The following SDK1 variants were observed in gnomAD, a reference collection of about 807,000 sequenced individuals.
SDK1 encodes sidekick cell adhesion molecule 1.
Under a neutral mutation model 245.5 loss-of-function variants are expected in SDK1, and 157 were observed. The observed-to-expected ratio is 0.64, with a 90% CI of 0.56 to 0.73. The LOEUF (loss-of-function observed/expected upper bound fraction) is 0.73, where lower values mean the gene tolerates loss of function less well. SDK1 is among the 30% of genes least tolerant of loss of function. The pLI, the probability that SDK1 is intolerant of heterozygous loss-of-function variation, is 0.00. For missense variants in SDK1, 3,583 were observed against 3,002.3 expected (o/e 1.19, Z -4.52); for synonymous variants, 1,647 against 1,278.5 (o/e 1.29, Z -6.15).
chr7:3,795,995 G>A (rs1355097376), intron 4 of SDK1, among the ~76,000 whole-genome samples: 1 of 152,144 alleles, frequency 6.6e-6, no homozygotes, highest in African/African-American at 2.4e-5. Flanking sequence ...ATAATCTTTG[G>A]CTTTAAAAAT....
intron 22 of SDK1, among the ~76,000 whole-genome samples, chr7:4,085,686 C>A (rs1398320545): frequency 6.6e-6 from 1 of 152,154 alleles, no homozygotes; most frequent in Non-Finnish European, 1.5e-5. Flanking sequence ...TCCTGAGTAG[C>A]TGGGATTACA....
At chr7:3,975,689 TA>T (rs1416881894) in intron 13 of SDK1, among the ~76,000 whole-genome samples, 1 of 152,266 alleles carries the variant, frequency 6.6e-6, no homozygotes, top group African/African-American at 2.4e-5. Flanking sequence ...TCACGATGTG[TA>T]GCAGTCAGTC....
At chr7:3,884,158 G>T (rs1032046470) in intron 5 of SDK1, among the ~76,000 whole-genome samples, 2 of 150,828 alleles carry the variant, frequency 1.3e-5, no homozygotes, top group African/African-American at 4.9e-5. Flanking sequence ...ATAGCTCGCT[G>T]CAGCCTCGAC....
At chr7:3,564,176 G>T (rs971285644) in intron 1 of SDK1, among the ~76,000 whole-genome samples, 5 of 151,712 alleles carry the variant, frequency 3.3e-5, no homozygotes, top group African/African-American at 1.2e-4. Context: ...AAATTTCAAG[G>T]AAACAAGATA....
rs376215132 is a variant in SDK1, at chr7:3,837,706, A to C, written c.847+16123A>C. 3.9e-5 allele frequency among the ~76,000 whole-genome samples: 6 copies of C among 152,284 alleles called. No homozygotes were observed. In the South Asian group the frequency reaches 8.3e-4, roughly 21 times the overall value. ...TGCTGTGATGATGGAAATGTTCTCTATTTTTACATGGAGCTATTGAATACT... is the reference window on the plus strand; with the variant it reads ...TGCTGTGATGATGGAAATGTTCTCTCTTTTTACATGGAGCTATTGAATACT... On this transcript the variant is annotated intron_variant, in intron 5 of 44. Transcript: ENST00000404826.
intron 1 of SDK1, among the ~76,000 whole-genome samples, chr7:3,516,560 A>C (rs1418247968): frequency 6.6e-6 from 1 of 152,136 alleles, no homozygotes; most frequent in African/African-American, 2.4e-5. Context: ...ACTAAATGAA[A>C]TATTTTTAGA....
intron 4 of SDK1, chr7:3,643,719 C>G (rs1286423154): frequency 6.7e-6 from 1 of 149,746 alleles, no homozygotes; most frequent in Non-Finnish European, 1.5e-5. Flanking sequence ...CCCACCCCTA[C>G]CTGAGCATCT....
chr7:3,590,300 C>CTTTTTTTTTTTTTTT (rs200303832), intron 1 of SDK1, among the ~76,000 whole-genome samples: 12 of 96,132 alleles, frequency 1.2e-4, no homozygotes, highest in African/African-American at 1.5e-4. Context: ...TTTCCTGTTC[C>CTTTTTTTTTTTTTTT]TTTTTTTTTT....
intron 4 of SDK1, among the ~76,000 whole-genome samples, chr7:3,751,924 A>G (rs1779784884): frequency 1.3e-5 from 2 of 152,198 alleles, no homozygotes; most frequent in Admixed American, 1.3e-4. Flanking sequence ...ATTTTGAAAC[A>G]TTACAAACAA....
intron 4 of SDK1, among the ~76,000 whole-genome samples, chr7:3,722,347 G>T (rs1452815506): frequency 6.6e-6 from 1 of 152,114 alleles, no homozygotes; most frequent in Non-Finnish European, 1.5e-5. Flanking sequence ...GAAACAATCA[G>T]AACAATCTCT....
At chr7:3,845,055 G>C (rs1245654727) in intron 5 of SDK1, among the ~76,000 whole-genome samples, 1 of 152,206 alleles carries the variant, frequency 6.6e-6, no homozygotes, top group African/African-American at 2.4e-5. Flanking sequence ...GGCAAAGTGG[G>C]TCAGCTGCCC....
intron 5 of SDK1, among the ~76,000 whole-genome samples, chr7:3,825,872 G>C (rs1779762211): frequency 6.6e-6 from 1 of 152,148 alleles, no homozygotes; most frequent in Non-Finnish European, 1.5e-5. Context: ...CTTGGCTCGG[G>C]TTCCTAAAAC....
intron 1 of SDK1, among the ~76,000 whole-genome samples, chr7:3,603,745 A>G (rs1781326011): frequency 6.6e-6 from 1 of 152,192 alleles, no homozygotes; most frequent in Admixed American, 6.5e-5. Flanking sequence ...GAGAGAGGGC[A>G]TCCCTGTCTT....
chr7:3,361,670 C>T (rs1780957264), intron 1 of SDK1, among the ~76,000 whole-genome samples: 1 of 152,144 alleles, frequency 6.6e-6, no homozygotes, highest in African/African-American at 2.4e-5. Flanking sequence ...CTATGGCTGC[C>T]ACCTCTTTAG....
chr7:3,428,354 T>C (rs2128583268), intron 1 of SDK1, among the ~76,000 whole-genome samples: 1 of 152,306 alleles, frequency 6.6e-6, no homozygotes. Flanking sequence ...CTGAAATTTA[T>C]GCATCTCAGA....
At chr7:3,324,115 T>C (rs1234300881) in intron 1 of SDK1, among the ~76,000 whole-genome samples, 1 of 152,198 alleles carries the variant, frequency 6.6e-6, no homozygotes, top group Non-Finnish European at 1.5e-5. Context: ...GAGATACTCA[T>C]GTTTTTCTCC....
At chr7:3,862,972 G>C (rs376530364) in intron 5 of SDK1, among the ~76,000 whole-genome samples, 1 of 152,272 alleles carries the variant, frequency 6.6e-6, no homozygotes, top group Admixed American at 6.5e-5. Flanking sequence ...TCTGACAGGA[G>C]GGGGAGCTCA....
At chr7:3,718,490 C>T (rs766452666) in intron 4 of SDK1, among the ~76,000 whole-genome samples, 2 of 151,240 alleles carry the variant, frequency 1.3e-5, no homozygotes, top group Admixed American at 6.6e-5. Context: ...CCACTGCACT[C>T]CAGCCTGGGT....
At chr7:3,474,650 C>G (rs114796527) in intron 1 of SDK1, among the ~76,000 whole-genome samples, 81 of 152,196 alleles carry the variant, frequency 5.3e-4, no homozygotes, top group African/African-American at 1.9e-3. Context: ...CCTCTAATGT[C>G]ATCATATTCA....
Sources: allele counts gnomAD v4.1 joint callset (sites outside exome capture counted in the v4.1 genomes callset), GRCh38; gene constraint gnomAD v4.1.1; transcripts MANE v1.5; gene names NCBI Gene and HGNC (gene_info 2026-07-23, HGNC 2026-07-21).